The following MGLL variants were observed in gnomAD, a reference collection of about 807,000 sequenced individuals.
MGLL encodes monoglyceride lipase.
MGLL carries 7 observed loss-of-function variants against 29.1 expected under a neutral mutation model. The observed-to-expected ratio is 0.24, with a 90% CI of 0.14 to 0.45. The LOEUF (loss-of-function observed/expected upper bound fraction) is 0.45, where lower values mean the gene tolerates loss of function less well. MGLL is among the 20% of genes least tolerant of loss of function. MGLL has a pLI of 0.99. For missense variants in MGLL, 356 were observed against 413.6 expected (o/e 0.86, Z 1.21); for synonymous variants, 148 against 168.3 (o/e 0.88, Z 0.93).
At chr3:127,757,101 T>G (rs2107677250) in intron 3 of MGLL, among the ~76,000 whole-genome samples, 1 of 152,270 alleles carries the variant, frequency 6.6e-6, no homozygotes, top group Admixed American at 6.5e-5. Context: ...TTAAAAATCA[T>G]CACCACCATC....
chr3:127,696,396 C>CTTTTTTTTT lies in MGLL; in HGVS notation c.601-1215_601-1207dup, dbSNP rs545853423. The stretch of plus-strand genomic sequence containing the variant: ...GGGCAGGAGTGAGCCCCTGATGCTT[C>CTTTTTTTTT]TTTTTTTTTTTTTTTTTTTTTTTTT... On this transcript the variant is annotated intron_variant, in intron 6 of 7. Coordinates refer to ENST00000265052, the MANE Select transcript of MGLL (RefSeq NM_007283.7). Among the ~76,000 whole-genome samples the CTTTTTTTTT allele has an allele frequency of 3.0e-3, 150 of 49,378 alleles. 32 individuals carry two copies. The highest frequency in any genetic ancestry group is 4.0e-3 in the Non-Finnish European group (100 of 25,230). The allele number at this position is 49,378 out of a possible 152,430, so 32.4% of individuals were successfully genotyped here.
intron 2 of MGLL, among the ~76,000 whole-genome samples, chr3:127,807,517 T>C (rs1280376551): frequency 6.6e-6 from 1 of 152,004 alleles, no homozygotes; most frequent in African/African-American, 2.4e-5. Context: ...GCTTTAGGCT[T>C]AACTTGCTCT....
chr3:127,766,389 T>C (rs1014711761), intron 3 of MGLL, among the ~76,000 whole-genome samples: 1 of 152,350 alleles, frequency 6.6e-6, no homozygotes, highest in South Asian at 2.1e-4. Context: ...ATTTTAACTA[T>C]GTAGACACGC....
chr3:127,783,143 CAAAAAAAAAAAA>C (rs72041528), intron 2 of MGLL, among the ~76,000 whole-genome samples: 19 of 63,946 alleles, frequency 3.0e-4, no homozygotes, highest in African/African-American at 8.7e-4. Context: ...GACTCTGTCT[CAAAAAAAAAAAA>C]AAAAAAAAAA....
chr3:127,693,650 T>G (rs2075290408), intron 7 of MGLL, among the ~76,000 whole-genome samples: 1 of 152,174 alleles, frequency 6.6e-6, no homozygotes, highest in Non-Finnish European at 1.5e-5. Flanking sequence ...TCCCCCTCTA[T>G]GCCTACACTA....
chr3:127,802,906 G>C (rs563072842), intron 2 of MGLL, among the ~76,000 whole-genome samples: 2 of 152,296 alleles, frequency 1.3e-5, no homozygotes, highest in South Asian at 4.1e-4. Flanking sequence ...AAAAGGACCA[G>C]ATGCTGGTAT....
chr3:127,744,773 T>C (rs1019914009), intron 3 of MGLL, among the ~76,000 whole-genome samples: 1 of 152,100 alleles, frequency 6.6e-6, no homozygotes, highest in African/African-American at 2.4e-5. Context: ...CACGGTTTAA[T>C]AGGAAAAAAA....
intron 2 of MGLL, among the ~76,000 whole-genome samples, chr3:127,798,922 C>T (rs914474004): frequency 2.0e-5 from 3 of 152,094 alleles, no homozygotes; most frequent in South Asian, 2.1e-4. Context: ...GGAGAGCACC[C>T]GAGGGAAGCT....
intron 2 of MGLL, among the ~76,000 whole-genome samples, chr3:127,802,835 A>G (rs9825729): frequency 0.15 from 23,099 of 152,220 alleles, 1,911 homozygotes; most frequent in South Asian, 0.26. Flanking sequence ...TGGAAGGCAC[A>G]TGGTGTGACT....
At chr3:127,710,227 C>G (rs1476749000) in intron 6 of MGLL, among the ~76,000 whole-genome samples, 1 of 152,220 alleles carries the variant, frequency 6.6e-6, no homozygotes, top group Non-Finnish European at 1.5e-5. Flanking sequence ...CGCCCTGGAT[C>G]CAGCCATGTC....
intron 2 of MGLL, among the ~76,000 whole-genome samples, chr3:127,802,427 C>G (rs1378430844): frequency 1.3e-5 from 2 of 152,174 alleles, no homozygotes; most frequent in African/African-American, 4.8e-5. Flanking sequence ...TAGCCTCTCC[C>G]ACACTTTCCC....
intron 2 of MGLL, among the ~76,000 whole-genome samples, chr3:127,817,030 G>A (rs1390911246): frequency 6.6e-6 from 1 of 152,254 alleles, no homozygotes; most frequent in Non-Finnish European, 1.5e-5. Flanking sequence ...TCAGACCGGT[G>A]GAGCTGGCCA....
intron 2 of MGLL, among the ~76,000 whole-genome samples, chr3:127,784,268 G>A (rs2077177229): frequency 6.6e-6 from 1 of 152,206 alleles, no homozygotes; most frequent in Non-Finnish European, 1.5e-5. Flanking sequence ...TGATGCCTGG[G>A]TCCCACTCCC....
intron 2 of MGLL, among the ~76,000 whole-genome samples, chr3:127,791,478 A>T (rs2107723293): frequency 6.6e-6 from 1 of 152,312 alleles, no homozygotes; most frequent in Non-Finnish European, 1.5e-5. Context: ...TATTGGGAGT[A>T]TCTGTGCATC....
chr3:127,788,835 T>TA (rs2077257267), intron 2 of MGLL, among the ~76,000 whole-genome samples: 2 of 152,170 alleles, frequency 1.3e-5, no homozygotes, highest in African/African-American at 2.4e-5. Flanking sequence ...GTCCTGTCCC[T>TA]AGCAGCCGGC....
At chr3:127,746,346 G>C (rs779696092) in intron 3 of MGLL, among the ~76,000 whole-genome samples, 7 of 152,102 alleles carry the variant, frequency 4.6e-5, no homozygotes, top group Non-Finnish European at 1.0e-4. Flanking sequence ...AGTCCCCCCT[G>C]CACTGCTCAC....
At chr3:127,776,391 A>C (rs529089058) in intron 3 of MGLL, among the ~76,000 whole-genome samples, 13 of 152,210 alleles carry the variant, frequency 8.5e-5, no homozygotes, top group African/African-American at 3.1e-4. Flanking sequence ...GGGGGAGCCC[A>C]GGCTTCAGGA....
intron 3 of MGLL, among the ~76,000 whole-genome samples, chr3:127,743,887 C>A (rs1231334444): frequency 1.3e-5 from 2 of 152,176 alleles, no homozygotes; most frequent in African/African-American, 4.8e-5. Context: ...CAGTTTCAAT[C>A]CACGGCCACT....
intron 6 of MGLL, among the ~76,000 whole-genome samples, chr3:127,700,985 T>C (rs989898906): frequency 1.3e-5 from 2 of 151,766 alleles, no homozygotes; most frequent in African/African-American, 4.8e-5. Flanking sequence ...GAGGACAAGG[T>C]GGGCAGATCA....
Sources: gnomAD v4.1 joint callset for allele counts (sites outside exome capture counted in the v4.1 genomes callset) on GRCh38, gnomAD v4.1.1 for gene constraint, MANE v1.5 for transcripts, NCBI Gene and HGNC (gene_info 2026-07-23, HGNC 2026-07-21) for gene names.